Variants in TRPM3 observed in about 807,000 individuals in gnomAD.
The protein encoded by TRPM3 is long transient receptor potential channel 3.
In TRPM3, 77 loss-of-function variants were observed where a neutral mutation model predicts 181.2. The ratio of observed to expected loss-of-function variants is 0.42; its 90% CI spans 0.35 to 0.51. TRPM3 has a LOEUF of 0.51. Ranked by LOEUF, TRPM3 falls within the 20% of genes least tolerant of loss-of-function variation. TRPM3 has a pLI of 0.01. For synonymous variants in TRPM3, 745 were observed against 796.4 expected (o/e 0.94, Z 1.09); for missense variants, 1,759 against 2,196.7 (o/e 0.80, Z 3.98).
At chr9:70,996,604 A>G (rs1167889285) in intron 1 of TRPM3, among the ~76,000 whole-genome samples, 1 of 152,226 alleles carries the variant, frequency 6.6e-6, no homozygotes, top group African/African-American at 2.4e-5. Flanking sequence ...CTAAATCGCA[A>G]TGTTAAAGTG....
At chr9:70,742,949 A>G (rs7019422) in intron 8 of TRPM3, among the ~76,000 whole-genome samples, 150,020 of 152,280 alleles carry the variant, frequency 0.99, 73,942 homozygotes, top group Non-Finnish European at 1. Context: ...ACAATCAATC[A>G]CCAATTCCTT....
At chr9:70,660,260 C>T (rs780775956) in intron 9 of TRPM3, among the ~76,000 whole-genome samples, 5 of 152,126 alleles carry the variant, frequency 3.3e-5, no homozygotes, top group Non-Finnish European at 7.4e-5. Flanking sequence ...TTAGGACCAA[C>T]TTGCCTCCCA....
At position 70,536,759 on chromosome 9, in the gene TRPM3, G is replaced by C. The variant is rs779666757; in HGVS notation, c.4354C>G (p.Pro1452Ala). The change falls in exon 26 of 26, where the codon CCT (proline) becomes GCT (alanine). Residue 1452 changes from proline (P) to alanine (A), a missense_variant. By Grantham distance (27) the Pro-to-Ala change is conservative. This residue lies in a region of TRPM3 where 612 missense variants were observed against 590.0 expected (regional missense o/e 1.04). Transcript: ENST00000677713. ...AGTGTTGCATAGGCACTACTTGAAG[G>C]GGCTGTGGAAGGTACTGGAGTTGAA... The part of the protein sequence containing the change: ...SFSTPVPSTA[P>A]SSSAYATLAP... The C allele has an allele frequency of 6.2e-7, 1 of 1,614,072 alleles. No individual in the cohort carries two copies. Among genetic ancestry groups the C allele is most frequent in the Non-Finnish European group, 8.5e-7 (1 of 1,180,038 alleles).
intron 6 of TRPM3, among the ~76,000 whole-genome samples, chr9:70,787,748 G>A (rs2084019470): frequency 1.6e-5 from 2 of 121,620 alleles, no homozygotes; most frequent in African/African-American, 6.2e-5. Context: ...TGCAATTTCA[G>A]GGACTTTTTG....
chr9:71,009,390 T>C (rs2097713030), intron 1 of TRPM3, among the ~76,000 whole-genome samples: 1 of 152,142 alleles, frequency 6.6e-6, no homozygotes, highest in African/African-American at 2.4e-5. Context: ...AAAAATTCAG[T>C]AAAGTTGCAG....
chr9:70,629,357 CG>C (rs1459963080), intron 12 of TRPM3, among the ~76,000 whole-genome samples: 1 of 151,818 alleles, frequency 6.6e-6, no homozygotes, highest in Non-Finnish European at 1.5e-5. Context: ...TCTTTTGAGA[CG>C]GAGTTTCACT....
chr9:71,097,084 T>A (rs1239074225), intron 1 of TRPM3, among the ~76,000 whole-genome samples: 8 of 152,142 alleles, frequency 5.3e-5, no homozygotes, highest in African/African-American at 1.9e-4. Context: ...CTCTGGCAGC[T>A]TTCATGGTTT....
At chr9:71,442,155 A>G (rs2094144315) in intron 1 of TRPM3, among the ~76,000 whole-genome samples, 1 of 152,060 alleles carries the variant, frequency 6.6e-6, no homozygotes. Context: ...CTACATACTC[A>G]CTGCTGTTTC....
At chr9:70,596,613 C>T (rs894213527) in intron 21 of TRPM3, among the ~76,000 whole-genome samples, 8 of 151,646 alleles carry the variant, frequency 5.3e-5, no homozygotes, top group Non-Finnish European at 1.2e-4. Context: ...TGACTGTAGT[C>T]CCAGCTGCTC....
chr9:71,355,611 T>TA (rs1352830621), intron 1 of TRPM3, among the ~76,000 whole-genome samples: 1 of 152,156 alleles, frequency 6.6e-6, no homozygotes, highest in African/African-American at 2.4e-5. Flanking sequence ...AGGAAGCCGA[T>TA]AGAGTCCCCC....
intron 1 of TRPM3, among the ~76,000 whole-genome samples, chr9:71,438,146 C>T (rs2094076184): frequency 6.6e-6 from 1 of 152,034 alleles, no homozygotes; most frequent in African/African-American, 2.4e-5. Flanking sequence ...ATGTAGAAAA[C>T]TGTGCAGGAT....
intron 1 of TRPM3, among the ~76,000 whole-genome samples, chr9:71,442,061 C>T (rs752106051): frequency 7.9e-5 from 12 of 152,222 alleles, no homozygotes; most frequent in Non-Finnish European, 1.3e-4. Context: ...CCCTCCTGCA[C>T]GCACAGCATC....
At chr9:71,324,666 C>A (rs1319561066) in intron 1 of TRPM3, among the ~76,000 whole-genome samples, 2 of 152,014 alleles carry the variant, frequency 1.3e-5, no homozygotes, top group Admixed American at 6.6e-5. Context: ...ATACTGCACT[C>A]ACATGTTTAT....
intron 1 of TRPM3, among the ~76,000 whole-genome samples, chr9:70,871,911 A>G (rs2095795958): frequency 6.6e-6 from 1 of 152,038 alleles, no homozygotes; most frequent in African/African-American, 2.4e-5. Flanking sequence ...AAATACTAAA[A>G]AGTTTCTACT....
chr9:71,410,319 A>AG (rs199890366), intron 1 of TRPM3, among the ~76,000 whole-genome samples: 3,583 of 152,268 alleles, frequency 0.024, 66 homozygotes, highest in South Asian at 0.043. Context: ...CAATGAATCC[A>AG]GGAGCTGGTT....
At chr9:71,278,940 C>T (rs1326599909) in intron 1 of TRPM3, among the ~76,000 whole-genome samples, 1 of 151,196 alleles carries the variant, frequency 6.6e-6, no homozygotes, top group Admixed American at 6.6e-5. Context: ...CAAAGAAATG[C>T]ATACTAACAC....
chr9:70,869,798 T>C (rs754658538), intron 1 of TRPM3, among the ~76,000 whole-genome samples: 22 of 152,002 alleles, frequency 1.4e-4, no homozygotes, highest in Non-Finnish European at 2.8e-4. Flanking sequence ...AGATCAAAAG[T>C]TGTGATGCCC....
At chr9:70,798,425 G>T (rs1366019707) in intron 6 of TRPM3, among the ~76,000 whole-genome samples, 3 of 152,076 alleles carry the variant, frequency 2.0e-5, no homozygotes, top group Non-Finnish European at 4.4e-5. Flanking sequence ...AATATTACCA[G>T]TTCCTGAGGC....
chr9:71,090,861 A>G lies in TRPM3; in HGVS notation c.177+30317T>C, dbSNP rs192957631. Among the ~76,000 whole-genome samples, 41 of 152,294 alleles carry G rather than the reference A, an allele frequency of 2.7e-4. 1 individual carries two copies. Among genetic ancestry groups the G allele is most frequent in the Admixed American group, 2.6e-3 (40 of 15,280 alleles). On this transcript the variant is annotated intron_variant, in intron 1 of 25. Coordinates refer to ENST00000677713, the MANE Select transcript of TRPM3 (RefSeq NM_001366145.2). ...AACTATTTAGTACTGTGCCGGGCAT[A>G]TAGGAAGTACTTAAAAAATGTTAGG...
Sources: allele counts gnomAD v4.1 joint callset (sites outside exome capture counted in the v4.1 genomes callset), GRCh38; gene constraint gnomAD v4.1.1; regional missense constraint gnomAD v4.1.1; transcripts MANE v1.5; gene names NCBI Gene and HGNC (gene_info 2026-07-23, HGNC 2026-07-21).